The following JAK2 variants were observed in gnomAD, a reference collection of about 807,000 sequenced individuals.
JAK2 encodes tyrosine-protein kinase JAK2.
In JAK2, 86 loss-of-function variants were observed where a neutral mutation model predicts 139.3. The observed-to-expected ratio is 0.62, with a 90% confidence interval of 0.52 to 0.74. The LOEUF is 0.74. Among genes scored for constraint, JAK2 ranks in the 30% least tolerant of loss-of-function variants. The pLI, the probability that JAK2 is intolerant of heterozygous loss-of-function variation, is 0.00. For missense variants in JAK2, 1,421 were observed against 1,360.3 expected, an observed-to-expected ratio of 1.04 and a Z score of -0.70; for synonymous variants, 490 against 437.7, an observed-to-expected ratio of 1.12 and a Z score of -1.49.
rs146433914 is a variant in JAK2, at chr9:5,072,560, C to T, written c.1710C>T (p.Tyr570=). ...FKGVRREVGD[Y]GQLHETEVLL... is the part of the protein sequence containing the mutation. The stretch of plus-strand genomic sequence containing the variant: ...GCGTACGAAGAGAAGTAGGAGACTA[C>T]GGTCAACTGCATGAAACAGAAGTTC... Residue 570 remains tyrosine, a synonymous_variant, in exon 13 of 25, where the codon TAC becomes TAT. Transcript: ENST00000381652. 929 of 1,609,730 alleles carry T rather than the reference C, an allele frequency of 5.8e-4. 1 individual carries two copies. Among genetic ancestry groups the T allele is most frequent in the Middle Eastern group, 9.9e-4 (6 of 6,046 alleles).
intron 5 of JAK2, 44 bp from the exon 6 acceptor site, chr9:5,050,642 A>G (rs771192922): frequency 6.4e-7 from 1 of 1,559,900 alleles, no homozygotes. Flanking sequence ...AAACATGATA[A>G]TGAAACTTAC....
intron 9 of JAK2, among the ~76,000 whole-genome samples, chr9:5,065,642 A>G (rs7868821): frequency 0.32 from 47,986 of 152,086 alleles, 8,104 homozygotes; most frequent in African/African-American, 0.44. Context: ...TGTGGCTAGT[A>G]ACTATCACAT....
At chr9:5,034,350 A>T (rs142989821) in intron 4 of JAK2, among the ~76,000 whole-genome samples, 6,565 of 152,256 alleles carry the variant, frequency 0.043, 470 homozygotes, top group African/African-American at 0.15. Flanking sequence ...AAAGTTAACA[A>T]GGATATCCAG....
chr9:5,056,616 A>G (rs1817785801), intron 8 of JAK2, among the ~76,000 whole-genome samples: 1 of 152,148 alleles, frequency 6.6e-6, no homozygotes, highest in Non-Finnish European at 1.5e-5. Context: ...GGTAAGGATC[A>G]TATTTTTATG....
At chr9:5,066,984 A>G (rs1352920925) in intron 10 of JAK2, among the ~76,000 whole-genome samples, 195 bp downstream of exon 10, 1 of 152,136 alleles carries the variant, frequency 6.6e-6, no homozygotes, top group Admixed American at 6.5e-5. Flanking sequence ...ATAAAAATAT[A>G]AAATAATTTA....
chr9:5,068,520 T>C (rs3780365), intron 10 of JAK2, among the ~76,000 whole-genome samples: 49,929 of 152,012 alleles, frequency 0.33, 8,664 homozygotes, highest in African/African-American at 0.45. Flanking sequence ...GGTTCATTGC[T>C]CAGAAGAAGT....
chr9:5,114,704 G>T, intron 22 of JAK2: 1 of 395,534 alleles, frequency 2.5e-6, no homozygotes, highest in Non-Finnish European at 4.9e-6. Context: ...AGGTTACCAG[G>T]GCTGAATGGG....
intron 2 of JAK2, among the ~76,000 whole-genome samples, chr9:4,990,016 A>G (rs1057177516): frequency 2.6e-5 from 4 of 152,234 alleles, no homozygotes; most frequent in Non-Finnish European, 5.9e-5. Flanking sequence ...TCTCATATGA[A>G]TTGGAAAGAG....
chr9:5,031,967 C>G (rs1421161753), intron 4 of JAK2, among the ~76,000 whole-genome samples: 1 of 152,256 alleles, frequency 6.6e-6, no homozygotes, highest in Non-Finnish European at 1.5e-5. Context: ...GAGGCATCGC[C>G]ACACCCGGGA....
At chr9:5,043,010 G>A (rs1247379996) in intron 4 of JAK2, among the ~76,000 whole-genome samples, 1 of 152,204 alleles carries the variant, frequency 6.6e-6, no homozygotes, top group Non-Finnish European at 1.5e-5. Context: ...CTGGCGTCGC[G>A]CGGCTCGGCC....
intron 12 of JAK2, among the ~76,000 whole-genome samples, chr9:5,070,634 T>C (rs2130533961): frequency 6.6e-6 from 1 of 152,228 alleles, no homozygotes; most frequent in East Asian, 1.9e-4. Flanking sequence ...CAGGCTGGAA[T>C]GCAGAAATAC....
intron 2 of JAK2, among the ~76,000 whole-genome samples, chr9:5,008,011 G>T (rs1037691963): frequency 6.6e-6 from 1 of 152,124 alleles, no homozygotes; most frequent in South Asian, 2.1e-4. Flanking sequence ...TTACAGGCAT[G>T]AGCCACCGCG....
At chr9:5,093,424 A>T (rs1820737244) in intron 22 of JAK2, among the ~76,000 whole-genome samples, 1 of 152,172 alleles carries the variant, frequency 6.6e-6, no homozygotes, top group South Asian at 2.1e-4. Context: ...AAGAATGGCC[A>T]CATGAGGGTT....
chr9:5,112,513 C>T (rs1299127273), intron 22 of JAK2: 15 of 568,952 alleles, frequency 2.6e-5, no homozygotes, highest in East Asian at 6.2e-5. Context: ...TGACCTTTTC[C>T]CCCCAGAGCA....
intron 8 of JAK2, among the ~76,000 whole-genome samples, chr9:5,056,928 A>G (rs1169285823): frequency 6.6e-6 from 1 of 152,212 alleles, no homozygotes; most frequent in Non-Finnish European, 1.5e-5. Context: ...ACTCAAATGC[A>G]TGCTTTGAAA....
chr9:5,105,568 C>G lies in JAK2; in HGVS notation c.3059+14657C>G, dbSNP rs1015262256. The stretch of plus-strand genomic sequence containing the variant: ...TCATAGAACTGGAAACAACTACTTT[C>G]AAGTTCATATGGAACCAAAAAAGAG... On this transcript the variant is annotated intron_variant, in intron 22 of 24. Coordinates refer to ENST00000381652, the MANE Select transcript of JAK2 (RefSeq NM_004972.4). 1.1e-4 allele frequency among the ~76,000 whole-genome samples: 17 copies of G among 152,134 alleles called. 1 individual carries two copies. Among genetic ancestry groups the G allele is most frequent in the Non-Finnish European group, 1.9e-4 (13 of 68,014 alleles).
chr9:5,057,552 C>G (rs2130432902), intron 8 of JAK2, among the ~76,000 whole-genome samples: 1 of 151,032 alleles, frequency 6.6e-6, no homozygotes, highest in East Asian at 1.9e-4. Context: ...CCCCCTCTTC[C>G]CAATCCTTGC....
chr9:5,081,446 T>C (rs1461419140), intron 18 of JAK2, among the ~76,000 whole-genome samples: 4 of 152,206 alleles, frequency 2.6e-5, no homozygotes, highest in African/African-American at 4.8e-5. Flanking sequence ...TACTCACCTT[T>C]CTCACAATAA....
intron 19 of JAK2, among the ~76,000 whole-genome samples, chr9:5,082,671 T>A (rs57839907): frequency 0.26 from 39,332 of 152,170 alleles, 5,400 homozygotes; most frequent in African/African-American, 0.35. Context: ...ACCTTGGACA[T>A]TACCCGGCTT....
Sources: allele counts gnomAD v4.1 joint callset (sites outside exome capture counted in the v4.1 genomes callset), GRCh38; gene constraint gnomAD v4.1.1; transcripts MANE v1.5; gene names NCBI Gene and HGNC (gene_info 2026-07-23, HGNC 2026-07-21).